The following CCM2 variants were observed in gnomAD, a reference collection of about 807,000 sequenced individuals.
CCM2 encodes cerebral cavernous malformations 2 protein.
A neutral mutation model predicts 44.9 loss-of-function variants in CCM2; 25 were observed. That is an observed-to-expected ratio of 0.56 (90% CI 0.41 to 0.78). CCM2 has a LOEUF of 0.78. Among genes scored for constraint, CCM2 ranks in the 30% least tolerant of loss-of-function variants. The pLI, the probability that CCM2 is intolerant of heterozygous loss-of-function variation, is 0.00. For missense variants in CCM2, 481 were observed against 580.6 expected, an observed-to-expected ratio of 0.83 and a Z score of 1.76; for synonymous variants, 219 against 241.1, an observed-to-expected ratio of 0.91 and a Z score of 0.85.
At chr7:45,061,687 G>A (rs546116166) in intron 2 of CCM2, among the ~76,000 whole-genome samples, 1 of 152,182 alleles carries the variant, frequency 6.6e-6, no homozygotes, top group South Asian at 2.1e-4. Context: ...GTCTCACCAT[G>A]TTTCCCAGGC....
At chr7:45,048,228 T>C (rs1458222657) in intron 2 of CCM2, among the ~76,000 whole-genome samples, 1 of 152,260 alleles carries the variant, frequency 6.6e-6, no homozygotes, top group African/African-American at 2.4e-5. Flanking sequence ...TGTTTTGTTT[T>C]ACAATTTTTT....
At chr7:45,021,593 T>A (rs1344394591) in intron 1 of CCM2, among the ~76,000 whole-genome samples, 1 of 151,100 alleles carries the variant, frequency 6.6e-6, no homozygotes, top group Non-Finnish European at 1.5e-5. Flanking sequence ...AAATAAATAA[T>A]AAATAAATAA....
At chr7:45,003,442 C>T (rs1012538279) in intron 1 of CCM2, among the ~76,000 whole-genome samples, 2 of 151,926 alleles carry the variant, frequency 1.3e-5, no homozygotes, top group African/African-American at 4.8e-5. Flanking sequence ...AGATCACAGC[C>T]CAAAAAAGCT....
chr7:45,061,621 G>A (rs991373983), intron 2 of CCM2, among the ~76,000 whole-genome samples: 13 of 151,804 alleles, frequency 8.6e-5, no homozygotes, highest in East Asian at 3.9e-4. Context: ...GCACACTGCC[G>A]TGCCCAACTA....
intron 2 of CCM2, among the ~76,000 whole-genome samples, chr7:45,050,261 TA>T (rs141878120): frequency 0.13 from 20,277 of 152,264 alleles, 1,651 homozygotes; most frequent in Middle Eastern, 0.23. Context: ...TAGTGGGCTA[TA>T]ATGTACCATC....
At chr7:45,022,308 TTTTTTTTTTTTG>T (rs1796511660) in intron 1 of CCM2, among the ~76,000 whole-genome samples, 2 of 135,510 alleles carry the variant, frequency 1.5e-5, no homozygotes, top group Admixed American at 7.4e-5. Flanking sequence ...TTTTTTTTTT[TTTTTTTTTTTTG>T]AGATGGAGTC....
chr7:45,057,658 G>A (rs1233419397), intron 2 of CCM2, among the ~76,000 whole-genome samples: 1 of 152,212 alleles, frequency 6.6e-6, no homozygotes, highest in Non-Finnish European at 1.5e-5. Context: ...GCTAAGGGCA[G>A]GTCTGTGGAA....
At chr7:45,009,780 A>T (rs1219195498) in intron 1 of CCM2, among the ~76,000 whole-genome samples, 1 of 152,066 alleles carries the variant, frequency 6.6e-6, no homozygotes, top group East Asian at 1.9e-4. Context: ...TATTTTTCTG[A>T]TGCATTCCTC....
intron 1 of CCM2, among the ~76,000 whole-genome samples, chr7:45,002,044 C>T (rs1420357886): frequency 2.6e-5 from 4 of 152,202 alleles, no homozygotes. Flanking sequence ...TGACTTAACA[C>T]TACCTCGTGT....
chr7:45,060,748 C>CTG (rs1213463755), intron 2 of CCM2, among the ~76,000 whole-genome samples: 3 of 152,202 alleles, frequency 2.0e-5, no homozygotes, highest in Non-Finnish European at 2.9e-5. Context: ...GTCCCCATTG[C>CTG]TGTTACAGGA....
chr7:45,002,197 A>G (rs1042915583), intron 1 of CCM2, among the ~76,000 whole-genome samples: 3 of 152,244 alleles, frequency 2.0e-5, no homozygotes, highest in African/African-American at 7.2e-5. Context: ...ACAAATTCAG[A>G]CATAAGTAGC....
At chr7:45,015,979 T>A (rs6951729) in intron 1 of CCM2, among the ~76,000 whole-genome samples, 3 of 152,218 alleles carry the variant, frequency 2.0e-5, no homozygotes, top group Non-Finnish European at 2.9e-5. Flanking sequence ...TTATCCCTCC[T>A]TTTATCATTT....
chr7:45,070,101 T>C, intron 6 of CCM2, 140 bp downstream of exon 6: 1 of 1,076,370 alleles, frequency 9.3e-7, no homozygotes, highest in Non-Finnish European at 1.4e-6. Context: ...CAGACTTTGC[T>C]GTTCACATTA....
intron 2 of CCM2, 97 bp downstream of exon 2, chr7:45,038,523 A>C: frequency 8.2e-7 from 1 of 1,220,410 alleles, no homozygotes; most frequent in Non-Finnish European, 1.2e-6. Flanking sequence ...ACACAGCCAC[A>C]CAAACACCTT....
intron 1 of CCM2, among the ~76,000 whole-genome samples, chr7:45,018,873 C>T (rs1335026311): frequency 6.6e-6 from 1 of 151,740 alleles, no homozygotes; most frequent in East Asian, 1.9e-4. Flanking sequence ...GATTCTCCTG[C>T]ATCAGCCTCC....
intron 1 of CCM2, among the ~76,000 whole-genome samples, chr7:45,005,572 G>A (rs1275890412): frequency 6.6e-6 from 1 of 152,100 alleles, no homozygotes; most frequent in African/African-American, 2.4e-5. Context: ...TAAGTAAATG[G>A]TCATGATTAA....
intron 4 of CCM2, 114 bp from the exon 5 acceptor site, chr7:45,068,329 T>G: frequency 7.2e-7 from 1 of 1,387,838 alleles, no homozygotes; most frequent in Non-Finnish European, 1.0e-6. Context: ...TGTGGGTGCC[T>G]GAGCCAGGTA....
At position 45,027,245 on chromosome 7, in the gene CCM2, G is replaced by A. The variant is rs1474171012; in HGVS notation, c.31-11008G>A. On this transcript the variant is annotated intron_variant, in intron 1 of 9. Transcript: ENST00000258781. ...GGGGTAACTGGAACAGCCTTGTCGC[G>A]TGTTTCCACCCTTCGTATGAGGCAG... 3.2e-5 allele frequency: 9 copies of A among 284,386 alleles called. No homozygotes were observed. In the East Asian group the frequency reaches 5.4e-4, roughly 17 times the overall value. The allele number at this position is 284,386 out of a possible 1,614,324, so 17.6% of individuals were successfully genotyped here.
At chr7:45,024,994 A>T (rs1195474320) in intron 1 of CCM2, among the ~76,000 whole-genome samples, 2 of 151,976 alleles carry the variant, frequency 1.3e-5, no homozygotes, top group African/African-American at 2.4e-5. Context: ...AAACTGTTAG[A>T]CTCGATGGAC....
Sources: allele counts gnomAD v4.1 joint callset (sites outside exome capture counted in the v4.1 genomes callset), GRCh38; gene constraint gnomAD v4.1.1; transcripts MANE v1.5; gene names NCBI Gene and HGNC (gene_info 2026-07-23, HGNC 2026-07-21).